The following SHC4 variants were observed in gnomAD, a reference collection of about 807,000 sequenced individuals.
SHC4 encodes SHC-transforming protein 4.
A neutral mutation model predicts 69.4 loss-of-function variants in SHC4; 41 were observed. That is an observed-to-expected ratio of 0.59 (90% CI 0.46 to 0.77). The LOEUF is 0.77. SHC4 is among the 30% of genes least tolerant of loss of function. The pLI, the probability that SHC4 is intolerant of heterozygous loss-of-function variation, is 0.00. For synonymous variants in SHC4, 318 were observed against 299.3 expected, an observed-to-expected ratio of 1.06 and a Z score of -0.64; for missense variants, 777 against 783.8, an observed-to-expected ratio of 0.99 and a Z score of 0.10.
chr15:48,859,507 T>C (rs1234965034), intron 6 of SHC4, among the ~76,000 whole-genome samples: 1 of 152,228 alleles, frequency 6.6e-6, no homozygotes, highest in Non-Finnish European at 1.5e-5. Flanking sequence ...ATGTCTTTCC[T>C]ACCAAAGGAA....
chr15:48,907,387 T>A (rs1900423548), intron 2 of SHC4, among the ~76,000 whole-genome samples: 1 of 152,110 alleles, frequency 6.6e-6, no homozygotes, highest in African/African-American at 2.4e-5. Context: ...CATGCCCAGC[T>A]AATTTTTGTA....
chr15:48,854,685 GA>G (rs1237161558), intron 8 of SHC4, among the ~76,000 whole-genome samples: 2 of 152,286 alleles, frequency 1.3e-5, no homozygotes, highest in African/African-American at 4.8e-5. Context: ...GATGCTGCTG[GA>G]GGCCATTATC....
chr15:48,864,637 C>CACCCAACTAATTTTT (rs1332071456), intron 6 of SHC4, among the ~76,000 whole-genome samples: 21 of 151,520 alleles, frequency 1.4e-4, no homozygotes, highest in African/African-American at 4.8e-4. Flanking sequence ...TTAGTAGAGA[C>CACCCAACTAATTTTT]GGGGTTTCAC....
At chr15:48,862,886 G>T (rs1899473097) in intron 6 of SHC4, among the ~76,000 whole-genome samples, 1 of 151,878 alleles carries the variant, frequency 6.6e-6, no homozygotes, top group South Asian at 2.1e-4. Flanking sequence ...GTCTCCTGTG[G>T]CTTCCCCCAC....
Position 48,851,246 on chromosome 15 carries a change from A to G in SHC4, c.1245T>C (p.Pro415=). The G allele has an allele frequency of 6.2e-7, 1 of 1,614,066 alleles. No individual in the cohort carries two copies. Among genetic ancestry groups the G allele is most frequent in the Non-Finnish European group, 8.5e-7 (1 of 1,179,954 alleles). ...PIQCEKLCYL[P]GNSKCSSVYE... ...ATACACTGCTGCACTTGGAGTTTCC[A>G]GGCTGCATGAACAACAAATTATGAA... The change falls in exon 9 of 12, where the codon CCT becomes CCC. Residue 415 remains proline, a splice_region_variant and synonymous_variant. Transcript: ENST00000332408.
chr15:48,961,475 C>T (rs1404624666), intron 1 of SHC4, among the ~76,000 whole-genome samples: 2 of 152,172 alleles, frequency 1.3e-5, no homozygotes, highest in African/African-American at 2.4e-5. Context: ...CTGTGTGATG[C>T]TCCCCTGCAG....
At chr15:48,876,440 T>C (rs142716303) in intron 4 of SHC4, 2 of 324,130 alleles carry the variant, frequency 6.2e-6, no homozygotes, top group Admixed American at 6.1e-5. Context: ...ATGGAATATA[T>C]ACATATATAT....
At chr15:48,929,662 A>G (rs1429381160) in intron 1 of SHC4, among the ~76,000 whole-genome samples, 1 of 152,220 alleles carries the variant, frequency 6.6e-6, no homozygotes, top group African/African-American at 2.4e-5. Context: ...ACGGGGGACC[A>G]CAATGGTAAC....
chr15:48,857,981 C>T (rs1402737833), intron 6 of SHC4, among the ~76,000 whole-genome samples, 166 bp from the exon 7 acceptor site: 2 of 152,172 alleles, frequency 1.3e-5, no homozygotes, highest in Non-Finnish European at 2.9e-5. Context: ...TCACATTTCA[C>T]ATGAATCAAA....
intron 1 of SHC4, among the ~76,000 whole-genome samples, chr15:48,949,548 C>A (rs184600520): frequency 6.6e-6 from 1 of 152,152 alleles, no homozygotes; most frequent in Admixed American, 6.5e-5. Context: ...CACCTCAAGG[C>A]ACTTTGTTTG....
chr15:48,903,197 C>A (rs1900346698), intron 2 of SHC4, among the ~76,000 whole-genome samples: 1 of 152,190 alleles, frequency 6.6e-6, no homozygotes, highest in African/African-American at 2.4e-5. Flanking sequence ...CTCTACAAGG[C>A]ATTTCTCAGC....
In SHC4 at chr15:48,963,084, A is replaced by T; in HGVS notation, c.-69T>A. ...TCGTCGTCTGGTAGATAAACGGTGC[A>T]GACATCAGATACCTCAACGCCCGAT... On this transcript the variant is annotated 5_prime_UTR_variant, in exon 1 of 12. Coordinates refer to ENST00000332408, the MANE Select transcript of SHC4 (RefSeq NM_203349.4). 1 of 1,488,884 alleles carries T rather than the reference A, an allele frequency of 6.7e-7. No homozygotes were observed. The highest frequency in any genetic ancestry group is 9.1e-7 in the Non-Finnish European group (1 of 1,103,888). The allele number at this position is 1,488,884 out of a possible 1,614,324, so 92.2% of individuals were successfully genotyped here.
intron 4 of SHC4, among the ~76,000 whole-genome samples, chr15:48,880,970 G>A (rs1899928362): frequency 7.1e-6 from 1 of 140,652 alleles, no homozygotes; most frequent in South Asian, 2.4e-4. Context: ...AGGACTAAAT[G>A]ATGATGTGTG....
intron 11 of SHC4, 90 bp downstream of exon 11, chr15:48,834,679 G>C: frequency 6.5e-7 from 1 of 1,528,928 alleles, no homozygotes; most frequent in South Asian, 1.3e-5. Context: ...TTAGCCTTGA[G>C]CACTATTCAA....
At chr15:48,882,441 G>A (rs1172640533) in intron 4 of SHC4, among the ~76,000 whole-genome samples, 1 of 152,120 alleles carries the variant, frequency 6.6e-6, no homozygotes, top group Non-Finnish European at 1.5e-5. Context: ...TATAGTTACT[G>A]GTAATGAAAA....
rs144645413 is a variant in SHC4, at chr15:48,843,412, C to A, written c.1480G>T (p.Gly494Ter). Residue 494 changes from glycine (G) to a stop codon, truncating the protein, a stop_gained, in exon 10 of 12, where the codon GGA (glycine) becomes TGA (stop). Coordinates refer to ENST00000332408, the MANE Select transcript of SHC4 (RefSeq NM_203349.4). LOFTEE classifies it high-confidence loss of function. ...CAGACAGTGAGTAGCTACTTACTTC[C>A]GCAGTGCCATGGGCTCCCCAGTGGT... is the stretch of plus-strand genomic sequence containing the variant. ...AQPLGSPWHCGKAPETVQPGA... is the reference protein window; with the variant it reads ...AQPLGSPWHC 6.2e-7 allele frequency: 1 copy of A among 1,607,088 alleles called. No homozygotes were observed. Among genetic ancestry groups the A allele is most frequent in the East Asian group, 2.2e-5 (1 of 44,690 alleles).
intron 5 of SHC4, among the ~76,000 whole-genome samples, chr15:48,869,796 C>T (rs983910219): frequency 6.6e-6 from 1 of 152,170 alleles, no homozygotes; most frequent in Non-Finnish European, 1.5e-5. Context: ...CCAACCAAGC[C>T]ATGGCACCGC....
chr15:48,828,784 A>G (rs1453650789), intron 11 of SHC4, among the ~76,000 whole-genome samples: 6 of 152,216 alleles, frequency 3.9e-5, no homozygotes, highest in African/African-American at 1.2e-4. Flanking sequence ...ATGTTTTCAT[A>G]TACCCGTTGG....
chr15:48,946,681 C>A (rs1396498358), intron 1 of SHC4: 1 of 740,636 alleles, frequency 1.4e-6, no homozygotes. Context: ...CTTTCTTGCT[C>A]TCTGGGCAAC....
Sources: allele counts gnomAD v4.1 joint callset (sites outside exome capture counted in the v4.1 genomes callset), GRCh38; gene constraint gnomAD v4.1.1; transcripts MANE v1.5; gene names NCBI Gene and HGNC (gene_info 2026-07-23, HGNC 2026-07-21).